Variants in DLG5 observed in about 807,000 individuals in gnomAD.
DLG5 encodes the protein discs large MAGUK scaffold protein 5, also known as disks large homolog 5.
In DLG5, 48 loss-of-function variants were observed where a neutral mutation model predicts 189.8. The ratio of observed to expected loss-of-function variants is 0.25; its 90% CI spans 0.20 to 0.32. The LOEUF (loss-of-function observed/expected upper bound fraction) is 0.32. DLG5 is among the 10% of genes least tolerant of loss of function. The probability of loss-of-function intolerance (pLI) is 1.00; values close to 1 mark genes in which losing one functional copy is unlikely to be tolerated. For synonymous variants in DLG5, 1,016 were observed against 1,054.1 expected, an observed-to-expected ratio of 0.96 and a Z score of 0.70; for missense variants, 2,160 against 2,544.7, an observed-to-expected ratio of 0.85 and a Z score of 3.25.
chr10:77,907,991 A>G (rs1846113124), intron 1 of DLG5, among the ~76,000 whole-genome samples: 1 of 152,126 alleles, frequency 6.6e-6, no homozygotes, highest in Non-Finnish European at 1.5e-5. Context: ...ACAACCACCC[A>G]TGTGTGGCCA....
At chr10:77,853,231 G>T in intron 5 of DLG5, 123 bp downstream of exon 5, 2 of 906,824 alleles carry the variant, frequency 2.2e-6, no homozygotes, top group Non-Finnish European at 3.0e-6. Context: ...GTCTTCCAAA[G>T]CGCTGGGATC....
At chr10:77,898,486 G>A (rs981615319) in intron 1 of DLG5, among the ~76,000 whole-genome samples, 2 of 152,248 alleles carry the variant, frequency 1.3e-5, no homozygotes, top group African/African-American at 4.8e-5. Context: ...AGGCACATGG[G>A]AGCAGGGGCT....
intron 5 of DLG5, among the ~76,000 whole-genome samples, chr10:77,852,374 AAAAT>A (rs1221366026): frequency 1.3e-5 from 2 of 151,894 alleles, no homozygotes; most frequent in African/African-American, 2.4e-5. Flanking sequence ...TGTCTCAAAA[AAAAT>A]AAATAAATAA....
In DLG5 at chr10:77,819,988, G is replaced by A. The variant is rs765503748; in HGVS notation, c.3433C>T (p.Leu1145Phe). ...EQKCVPASGE[L>F]SPELQEWAPY... is the part of the protein sequence containing the mutation. ...GCCCACTCCTGGAGCTCCGGGGAGA[G>A]TTCTCCACTGGCCGGGACACACTTC... Residue 1145 changes from leucine to phenylalanine, a missense_variant, in exon 16 of 32, where the codon CTC becomes TTC. Leu to Phe is a conservative substitution (Grantham distance 22). Coordinates refer to ENST00000372391, the MANE Select transcript of DLG5 (RefSeq NM_004747.4). 3 of 1,613,514 alleles carry A rather than the reference G, an allele frequency of 1.9e-6. No individual in the cohort carries two copies. In the East Asian group the frequency reaches 6.7e-5, roughly 36 times the overall value.
At position 77,926,396 on chromosome 10, in the gene DLG5, C is replaced by T; in HGVS notation, c.125G>A (p.Arg42Gln). ...AAGALSPGER[R>Q]QLDEEAGGAK... ...GCCTCCCGCCTCCTCGTCCAGCTGC[C>T]GCCGCTCGCCGGGACTGAGCGCTCC... is the stretch of plus-strand genomic sequence containing the variant. The change falls in exon 1 of 32, where the codon CGG (arginine) becomes CAG (glutamine). Residue 42 changes from arginine to glutamine, a missense_variant. This residue lies in a region of DLG5 where 664 missense variants were observed against 838.5 expected (regional missense o/e 0.79). Coordinates refer to ENST00000372391, the MANE Select transcript of DLG5 (RefSeq NM_004747.4). The surrounding 1 kb of genome is among the most constrained non-coding windows in gnomAD (Gnocchi z 5.2). 6.3e-7 allele frequency: 1 copy of T among 1,589,504 alleles called. No individual in the cohort carries two copies. Among genetic ancestry groups the T allele is most frequent in the Non-Finnish European group, 8.5e-7 (1 of 1,170,194 alleles).
At chr10:77,877,058 C>T (rs537436341) in intron 1 of DLG5, among the ~76,000 whole-genome samples, 4 of 152,118 alleles carry the variant, frequency 2.6e-5, no homozygotes, top group East Asian at 1.9e-4. Flanking sequence ...CATTCCCTAA[C>T]CCCTTCCCAC....
At chr10:77,809,500 T>C (rs772430931) in intron 24 of DLG5, 47 bp downstream of exon 24, 1 of 1,554,864 alleles carries the variant, frequency 6.4e-7, no homozygotes, top group South Asian at 1.2e-5. Flanking sequence ...GCAAGCCCAC[T>C]GTGCAGGTAG....
intron 1 of DLG5, among the ~76,000 whole-genome samples, chr10:77,918,663 C>T (rs1230424005): frequency 6.6e-6 from 1 of 152,022 alleles, no homozygotes; most frequent in Non-Finnish European, 1.5e-5. Context: ...AGAGATACAC[C>T]GTTCAGAGGA....
At chr10:77,802,057 T>G (rs567692821) in intron 27 of DLG5, among the ~76,000 whole-genome samples, 1 of 152,290 alleles carries the variant, frequency 6.6e-6, no homozygotes, top group South Asian at 2.1e-4. Context: ...AGCAAAGGCT[T>G]GGCAGCAGCC....
At chr10:77,839,797 A>G (rs1843330991) in intron 7 of DLG5, among the ~76,000 whole-genome samples, 1 of 152,156 alleles carries the variant, frequency 6.6e-6, no homozygotes, top group African/African-American at 2.4e-5. Flanking sequence ...AAGCTTTTCA[A>G]AAATTTCATT....
rs185970523 is a variant in DLG5 at position 77,853,861 on chromosome 10, C to A, written c.681-324G>T. Among the ~76,000 whole-genome samples the A allele has an allele frequency of 3.9e-3, 599 of 152,260 alleles. 2 individuals are homozygous for A. Among genetic ancestry groups the A allele is most frequent in the Middle Eastern group, 0.01 (3 of 294 alleles). On this transcript the variant is annotated intron_variant, in intron 4 of 31. Coordinates refer to ENST00000372391, the MANE Select transcript of DLG5 (RefSeq NM_004747.4). The stretch of plus-strand genomic sequence containing the variant: ...TATCAGCAGGTGGGCAGGCAAAGAC[C>A]CTCAGAGGGATGCTGGGAGACCAAA...
upstream of DLG5, chr10:77,928,813 G>A (rs968794154): frequency 6.6e-6 from 1 of 152,162 alleles, no homozygotes; most frequent in African/African-American, 2.4e-5. Flanking sequence ...GATTGCCTGA[G>A]CTCAGGAGTT....
intron 1 of DLG5, among the ~76,000 whole-genome samples, chr10:77,918,304 T>C (rs1013866457): frequency 1.3e-5 from 2 of 151,800 alleles, no homozygotes; most frequent in African/African-American, 2.4e-5. Flanking sequence ...TCCCAGCTAC[T>C]TGGGAGGCTG....
chr10:77,893,616 T>C (rs992404949), intron 1 of DLG5, among the ~76,000 whole-genome samples: 5 of 152,204 alleles, frequency 3.3e-5, no homozygotes, highest in African/African-American at 7.2e-5. Context: ...GCCAAGTCCA[T>C]AGTCAGTCCC....
chr10:77,814,457 A>G, intron 20 of DLG5, among the ~76,000 whole-genome samples: 1 of 113,928 alleles, frequency 8.8e-6, no homozygotes, highest in South Asian at 3.3e-4. Context: ...ATAATAAAGC[A>G]TGTTTATATA....
chr10:77,813,607 C>T (rs1419604256), intron 20 of DLG5, among the ~76,000 whole-genome samples: 4 of 152,172 alleles, frequency 2.6e-5, no homozygotes, highest in African/African-American at 9.7e-5. Context: ...GCTGCAGAGC[C>T]CTCAGCACAC....
At chr10:77,888,591 CT>C (rs912671931) in intron 1 of DLG5, among the ~76,000 whole-genome samples, 3 of 152,166 alleles carry the variant, frequency 2.0e-5, no homozygotes, top group African/African-American at 7.2e-5. Flanking sequence ...GGGCCACTCG[CT>C]TTTTCATTAT....
intron 1 of DLG5, among the ~76,000 whole-genome samples, chr10:77,897,693 AG>A (rs1000787620): frequency 2.1e-4 from 27 of 127,414 alleles, no homozygotes; most frequent in African/African-American, 7.1e-4. Context: ...GGAGAGGGGG[AG>A]GGGGGAAAGG....
chr10:77,805,218 C>T (rs1454091677), intron 27 of DLG5, among the ~76,000 whole-genome samples: 2 of 152,178 alleles, frequency 1.3e-5, no homozygotes, highest in Admixed American at 6.5e-5. Flanking sequence ...GATCCACCCA[C>T]CTCAGCCTCC....
Sources: gnomAD v4.1 joint callset for allele counts (sites outside exome capture counted in the v4.1 genomes callset) on GRCh38, gnomAD v4.1.1 for gene constraint, gnomAD v4.1.1 regional missense constraint, Gnocchi (gnomAD v3.1) non-coding constraint, MANE v1.5 for transcripts, NCBI Gene and HGNC (gene_info 2026-07-23, HGNC 2026-07-21) for gene names.